The following SRGAP1 variants were observed in gnomAD, a reference collection of about 807,000 sequenced individuals.
The protein encoded by SRGAP1 is SLIT-ROBO Rho GTPase-activating protein 1.
Under a neutral mutation model 121.9 loss-of-function variants are expected in SRGAP1, and 43 were observed. The ratio of observed to expected loss-of-function variants is 0.35; its 90% CI spans 0.28 to 0.46. The LOEUF is 0.46. SRGAP1 is among the 20% of genes least tolerant of loss of function. SRGAP1 has a pLI of 1.00. For synonymous variants in SRGAP1, 447 were observed against 485.4 expected (o/e 0.92, Z 1.04); for missense variants, 1,102 against 1,350.9 (o/e 0.82, Z 2.89).
chr12:64,098,687 T>A (rs796785931), intron 15 of SRGAP1, among the ~76,000 whole-genome samples: 5,768 of 149,178 alleles, frequency 0.039, 239 homozygotes, highest in South Asian at 0.093. Flanking sequence ...AATAAAAAAA[T>A]AAAAAAGCTA....
At chr12:64,117,393 G>A (rs1248689292) in intron 18 of SRGAP1, among the ~76,000 whole-genome samples, 1 of 151,882 alleles carries the variant, frequency 6.6e-6, no homozygotes, top group East Asian at 1.9e-4. Context: ...GTTCTTTGTG[G>A]GTCCACATCA....
chr12:63,942,327 A>G (rs1186413872), intron 1 of SRGAP1, among the ~76,000 whole-genome samples: 1 of 152,254 alleles, frequency 6.6e-6, no homozygotes, highest in Non-Finnish European at 1.5e-5. Flanking sequence ...ATGTAATTAA[A>G]TTAGCCATAT....
intron 2 of SRGAP1, among the ~76,000 whole-genome samples, chr12:63,984,495 A>G (rs758280894): frequency 6.6e-5 from 10 of 152,174 alleles, no homozygotes; most frequent in African/African-American, 1.7e-4. Context: ...AAAGACCTCA[A>G]ATTTTCTCTA....
intron 4 of SRGAP1, among the ~76,000 whole-genome samples, chr12:64,028,848 G>A (rs902830035): frequency 3.3e-5 from 5 of 152,202 alleles, no homozygotes; most frequent in African/African-American, 1.2e-4. Flanking sequence ...TCAGACCATA[G>A]CAGATGTGAT....
intron 1 of SRGAP1, among the ~76,000 whole-genome samples, chr12:63,975,924 C>T (rs546003247): frequency 2.6e-5 from 4 of 152,288 alleles, no homozygotes; most frequent in African/African-American, 9.6e-5. Flanking sequence ...TGTGATTCCT[C>T]ATTCAAATGG....
At chr12:63,982,260 G>A (rs1276417924) in intron 1 of SRGAP1, among the ~76,000 whole-genome samples, 2 of 151,874 alleles carry the variant, frequency 1.3e-5, no homozygotes, top group Non-Finnish European at 2.9e-5. Context: ...AAAAAAACAA[G>A]GATGGGAAGT....
At chr12:63,847,221 A>G (rs1420378894) in intron 1 of SRGAP1, among the ~76,000 whole-genome samples, 1 of 152,126 alleles carries the variant, frequency 6.6e-6, no homozygotes, top group African/African-American at 2.4e-5. Flanking sequence ...CTGTGGTCCC[A>G]GTGTGCCTGT....
chr12:63,882,356 AC>A (rs1315243983), intron 1 of SRGAP1, among the ~76,000 whole-genome samples: 1 of 152,064 alleles, frequency 6.6e-6, no homozygotes, highest in Non-Finnish European at 1.5e-5. Flanking sequence ...ATCTCGGCTC[AC>A]TGCAGCCTCC....
At chr12:63,849,039 G>A (rs1245045575) in intron 1 of SRGAP1, among the ~76,000 whole-genome samples, 1 of 152,166 alleles carries the variant, frequency 6.6e-6, no homozygotes, top group African/African-American at 2.4e-5. Flanking sequence ...GGGGACAAAA[G>A]GGGACCCCAG....
intron 21 of SRGAP1, among the ~76,000 whole-genome samples, chr12:64,137,021 T>TG (rs1438009932): frequency 6.6e-6 from 1 of 152,122 alleles, no homozygotes; most frequent in Non-Finnish European, 1.5e-5. Flanking sequence ...CCCAGCACTT[T>TG]GGGAGGCTGA....
intron 1 of SRGAP1, among the ~76,000 whole-genome samples, chr12:63,889,475 T>C (rs941498415): frequency 2.0e-5 from 3 of 152,112 alleles, no homozygotes; most frequent in African/African-American, 7.2e-5. Context: ...TCAGTCTAAG[T>C]AGTGAGTCAT....
intron 18 of SRGAP1, among the ~76,000 whole-genome samples, chr12:64,121,109 G>A (rs892264400): frequency 4.0e-5 from 6 of 151,412 alleles, no homozygotes; most frequent in African/African-American, 1.5e-4. Flanking sequence ...AACCTCCTGG[G>A]GCCAAGTGAT....
Position 64,127,858 on chromosome 12 carries a change from T to C in SRGAP1, c.2541-3T>C. On this transcript the variant is annotated splice_region_variant and splice_polypyrimidine_tract_variant and intron_variant, in intron 20 of 21. Coordinates refer to ENST00000355086, the MANE Select transcript of SRGAP1 (RefSeq NM_020762.4). ...TTTTCTCCCTGTTTCTGTGAATGTC[T>C]AGGCAACGAAAAAGAGGAGAGCCAC... The C allele has an allele frequency of 6.2e-7, 1 of 1,607,616 alleles. No individual in the cohort carries two copies. Among genetic ancestry groups the C allele is most frequent in the East Asian group, 2.2e-5 (1 of 44,750 alleles).
chr12:64,004,196 G>A (rs1372329866), intron 3 of SRGAP1, among the ~76,000 whole-genome samples: 1 of 152,006 alleles, frequency 6.6e-6, no homozygotes, highest in African/African-American at 2.4e-5. Context: ...CCCATCTTAG[G>A]GTTTGCAAGT....
chr12:64,140,600 A>G (rs935946197), intron 21 of SRGAP1, among the ~76,000 whole-genome samples: 3 of 151,586 alleles, frequency 2.0e-5, no homozygotes, highest in Non-Finnish European at 2.9e-5. Flanking sequence ...TAGAATGGCA[A>G]TCATTAAAAA....
intron 4 of SRGAP1, among the ~76,000 whole-genome samples, chr12:64,028,424 C>T (rs1004979108): frequency 6.6e-6 from 1 of 152,262 alleles, no homozygotes; most frequent in Non-Finnish European, 1.5e-5. Flanking sequence ...GCTCCCCGGC[C>T]TCTCAGGTGT....
chr12:63,937,791 C>T (rs1239175470), intron 1 of SRGAP1, among the ~76,000 whole-genome samples: 1 of 152,254 alleles, frequency 6.6e-6, no homozygotes, highest in Admixed American at 6.5e-5. Context: ...CGGGTGCACT[C>T]TAAATGCAAA....
chr12:63,947,495 G>T (rs2032087913), intron 1 of SRGAP1, among the ~76,000 whole-genome samples: 10 of 152,158 alleles, frequency 6.6e-5, no homozygotes, highest in Admixed American at 4.6e-4. Flanking sequence ...TTACGAAATG[G>T]TTTAATTTTT....
intron 8 of SRGAP1, among the ~76,000 whole-genome samples, chr12:64,065,533 A>G (rs966713660): frequency 6.6e-6 from 1 of 152,196 alleles, no homozygotes; most frequent in African/African-American, 2.4e-5. Context: ...AAAAATATAC[A>G]ATCTTTTGTA....
Sources: gnomAD v4.1 joint callset for allele counts (sites outside exome capture counted in the v4.1 genomes callset) on GRCh38, gnomAD v4.1.1 for gene constraint, MANE v1.5 for transcripts, NCBI Gene and HGNC (gene_info 2026-07-23, HGNC 2026-07-21) for gene names.